THSD7A: variants seen among roughly 807,000 people sequenced by gnomAD.
The protein encoded by THSD7A is thrombospondin type 1 domain containing 7A, also known as thrombospondin type-1 domain-containing protein 7A.
THSD7A carries 96 observed loss-of-function variants against 231.3 expected under a neutral mutation model. That is an observed-to-expected ratio of 0.41 (90% confidence interval 0.35 to 0.49). The LOEUF is 0.49. Ranked by LOEUF, THSD7A falls within the 20% of genes least tolerant of loss-of-function variation. The pLI is 0.05. For missense variants in THSD7A, 2,290 were observed against 2,070.2 expected (o/e 1.11, Z -2.06); for synonymous variants, 940 against 743.3 (o/e 1.26, Z -4.30).
chr7:11,719,054 G>A (rs1363307091), intron 1 of THSD7A, among the ~76,000 whole-genome samples: 2 of 151,394 alleles, frequency 1.3e-5, no homozygotes, highest in African/African-American at 4.8e-5. Flanking sequence ...GCAATATCGT[G>A]TGTGTGTGTG....
chr7:11,567,129 T>C (rs1332470360), intron 4 of THSD7A, among the ~76,000 whole-genome samples: 1 of 152,156 alleles, frequency 6.6e-6, no homozygotes. Flanking sequence ...TCCTTTTTCA[T>C]ACTGCTATAA....
At chr7:11,500,366 T>A (rs1787280158) in intron 6 of THSD7A, among the ~76,000 whole-genome samples, 1 of 152,030 alleles carries the variant, frequency 6.6e-6, no homozygotes, top group Non-Finnish European at 1.5e-5. Context: ...AAAACACACT[T>A]AAACACACAG....
chr7:11,449,139 C>T (rs2128295132), intron 11 of THSD7A, among the ~76,000 whole-genome samples: 1 of 152,114 alleles, frequency 6.6e-6, no homozygotes, highest in South Asian at 2.1e-4. Flanking sequence ...AACTCTAATG[C>T]TCTGATTTCC....
At position 11,375,811 on chromosome 7, in the gene THSD7A, C is replaced by T; in HGVS notation, c.4957G>A (p.Gly1653Arg). 1.2e-6 allele frequency: 2 copies of T among 1,612,386 alleles called. No homozygotes were observed. The highest frequency in any genetic ancestry group is 8.5e-7 in the Non-Finnish European group (1 of 1,178,868). ...RLKPLTLAYD[G>R]DADM ...GTTATATGTTACATGTCGGCATCTC[C>T]ATCATAGGCTAAGGTTAAAGGTTTC... Residue 1653 changes from glycine to arginine, a missense_variant, in exon 28 of 28, where the codon GGA (glycine) becomes AGA (arginine). Physicochemically the swap from Gly to Arg is moderately radical, Grantham distance 125. Coordinates refer to ENST00000423059, the MANE Select transcript of THSD7A (RefSeq NM_015204.3).
chr7:11,409,166 A>C (rs1583686814), intron 19 of THSD7A, among the ~76,000 whole-genome samples: 1 of 152,236 alleles, frequency 6.6e-6, no homozygotes, highest in East Asian at 1.9e-4. Flanking sequence ...ACCAATTACT[A>C]GGTATCCAAT....
At chr7:11,509,989 T>C (rs1458235081) in intron 6 of THSD7A, among the ~76,000 whole-genome samples, 1 of 152,034 alleles carries the variant, frequency 6.6e-6, no homozygotes, top group Non-Finnish European at 1.5e-5. Flanking sequence ...ACATAATGTA[T>C]ACGTGTACCA....
At chr7:11,783,566 T>A (rs1161735586) in intron 1 of THSD7A, among the ~76,000 whole-genome samples, 2 of 152,276 alleles carry the variant, frequency 1.3e-5, no homozygotes, top group East Asian at 3.9e-4. Context: ...TTAACAACTG[T>A]TGGCAGTAAC....
At chr7:11,521,140 A>G (rs1201830836) in intron 6 of THSD7A, among the ~76,000 whole-genome samples, 1 of 152,200 alleles carries the variant, frequency 6.6e-6, no homozygotes, top group African/African-American at 2.4e-5. Context: ...CAGACATTTC[A>G]TATTTCTGAA....
At chr7:11,495,694 G>A (rs147955559) in intron 6 of THSD7A, among the ~76,000 whole-genome samples, 1 of 152,124 alleles carries the variant, frequency 6.6e-6, no homozygotes, top group Non-Finnish European at 1.5e-5. Flanking sequence ...ACATATTAAA[G>A]ATGGAATAGA....
intron 1 of THSD7A, among the ~76,000 whole-genome samples, chr7:11,696,017 T>A (rs1210510759): frequency 6.6e-6 from 1 of 151,484 alleles, no homozygotes; most frequent in Non-Finnish European, 1.5e-5. Flanking sequence ...GATTGTGATA[T>A]AATATGAGGA....
intron 1 of THSD7A, among the ~76,000 whole-genome samples, chr7:11,699,966 TA>T (rs1336620186): frequency 6.6e-6 from 1 of 151,360 alleles, no homozygotes; most frequent in African/African-American, 2.4e-5. Context: ...TTCACTTACT[TA>T]AAAGCAGAGT....
intron 1 of THSD7A, among the ~76,000 whole-genome samples, chr7:11,707,095 G>A (rs1233175592): frequency 6.6e-6 from 1 of 150,708 alleles, no homozygotes; most frequent in African/African-American, 2.4e-5. Flanking sequence ...ATTAAACTAA[G>A]GGCTCATATT....
At chr7:11,707,293 T>C (rs988051440) in intron 1 of THSD7A, among the ~76,000 whole-genome samples, 7 of 150,918 alleles carry the variant, frequency 4.6e-5, no homozygotes, top group African/African-American at 1.5e-4. Context: ...AATCATAGTA[T>C]TCGTCTTTGC....
chr7:11,509,175 G>A (rs1787685348), intron 6 of THSD7A, among the ~76,000 whole-genome samples: 1 of 151,984 alleles, frequency 6.6e-6, no homozygotes, highest in Non-Finnish European at 1.5e-5. Flanking sequence ...TAACTTTAAA[G>A]TTTAATGTTT....
At chr7:11,552,222 T>A (rs1789659284) in intron 4 of THSD7A, among the ~76,000 whole-genome samples, 1 of 151,914 alleles carries the variant, frequency 6.6e-6, no homozygotes, top group Non-Finnish European at 1.5e-5. Flanking sequence ...AGTACTATGC[T>A]CATTACCTGG....
intron 17 of THSD7A, among the ~76,000 whole-genome samples, chr7:11,414,320 A>G (rs1212740112): frequency 6.6e-6 from 1 of 152,242 alleles, no homozygotes; most frequent in Admixed American, 6.5e-5. Flanking sequence ...GGATCATGCT[A>G]ATGCCACCAT....
Position 11,807,497 on chromosome 7 carries a change from TAAAA to T in THSD7A, c.190+24256_190+24259del, listed in dbSNP as rs1424802448. ...TATGGAAAGAATATATAAAATAAAG[TAAAA>T]TTATAAAACAAATTATTGATTTTAT... On this transcript the variant is annotated intron_variant, in intron 1 of 27. Transcript: ENST00000423059. 1.3e-3 allele frequency among the ~76,000 whole-genome samples: 203 copies of T among 152,246 alleles called. 3 individuals carry two copies. In the Middle Eastern group the frequency reaches 0.02, roughly 15 times the overall value.
At chr7:11,396,908 C>T (rs905106484) in intron 23 of THSD7A, among the ~76,000 whole-genome samples, 3 of 152,168 alleles carry the variant, frequency 2.0e-5, no homozygotes, top group Non-Finnish European at 4.4e-5. Flanking sequence ...TCGAATCCAG[C>T]AGCACATCAA....
chr7:11,831,712 G>A lies in THSD7A; in HGVS notation c.190+45C>T. The A allele has an allele frequency of 7.6e-7, 1 of 1,319,518 alleles. No individual in the cohort carries two copies. The highest frequency in any genetic ancestry group is 9.8e-7 in the Non-Finnish European group (1 of 1,019,730). 81.7% of individuals were successfully genotyped at this position (1,319,518 alleles called of 1,614,324 possible). On this transcript the variant is annotated intron_variant, in intron 1 of 27. Transcript: ENST00000423059. This position sits in a 1 kb window ranked among gnomAD's most constrained non-coding sequence, Gnocchi z 5.0. Reference sequence around the variant, plus strand: ...AGAAGCCCACCAGCTCCTTAATGTGGCCCCAGATGTGAAGATGGGGAAAGG... The same window carrying A: ...AGAAGCCCACCAGCTCCTTAATGTGACCCCAGATGTGAAGATGGGGAAAGG...
Sources: gnomAD v4.1 joint callset for allele counts (sites outside exome capture counted in the v4.1 genomes callset) on GRCh38, gnomAD v4.1.1 for gene constraint, Gnocchi (gnomAD v3.1) non-coding constraint, MANE v1.5 for transcripts, NCBI Gene and HGNC (gene_info 2026-07-23, HGNC 2026-07-21) for gene names.